Variants in RHOH observed in about 807,000 individuals in gnomAD.
RHOH encodes ras homolog family member H.
RHOH carries 6 observed loss-of-function variants against 13.8 expected under a neutral mutation model. The observed-to-expected ratio is 0.44, with a 90% CI of 0.24 to 0.86. RHOH has a LOEUF of 0.86. Among genes scored for constraint, RHOH ranks in the 40% least tolerant of loss-of-function variants. RHOH has a pLI of 0.24. For synonymous variants in RHOH, 117 were observed against 103.0 expected, an observed-to-expected ratio of 1.14 and a Z score of -0.82; for missense variants, 147 against 244.5, an observed-to-expected ratio of 0.60 and a Z score of 2.66.
chr4:40,235,726 C>A (rs1728491352), intron 1 of RHOH, among the ~76,000 whole-genome samples: 1 of 151,764 alleles, frequency 6.6e-6, no homozygotes, highest in Non-Finnish European at 1.5e-5. Context: ...GTAATCCCAG[C>A]ACTTTGGGAG....
At chr4:40,213,391 A>T (rs1560693649) in intron 1 of RHOH, among the ~76,000 whole-genome samples, 3 of 147,272 alleles carry the variant, frequency 2.0e-5, no homozygotes, top group African/African-American at 5.1e-5. Context: ...TCTCTCTCTC[A>T]CACACACACC....
chr4:40,206,583 C>A (rs1579245190), intron 1 of RHOH, among the ~76,000 whole-genome samples: 1 of 43,388 alleles, frequency 2.3e-5, no homozygotes, highest in Non-Finnish European at 6.6e-5. Context: ...TGGGCAGTAA[C>A]TTGCTGAAAA....
At chr4:40,222,998 T>G (rs1726770075) in intron 1 of RHOH, among the ~76,000 whole-genome samples, 2 of 152,154 alleles carry the variant, frequency 1.3e-5, no homozygotes, top group African/African-American at 4.8e-5. Flanking sequence ...GCAGATGTGG[T>G]AGAAGGAGCA....
intron 1 of RHOH, 103 bp from the exon 2 acceptor site, chr4:40,242,611 A>G (rs1052823283): frequency 3.3e-5 from 5 of 152,234 alleles, no homozygotes; most frequent in African/African-American, 9.6e-5. Flanking sequence ...CTTTTCCCCT[A>G]TTACAACACA....
chr4:40,214,718 GGA>G (rs1237092180), intron 1 of RHOH, among the ~76,000 whole-genome samples: 1 of 152,206 alleles, frequency 6.6e-6, no homozygotes, highest in East Asian at 1.9e-4. Context: ...CATTATCAGT[GGA>G]GAGAGAACCT....
At chr4:40,214,725 G>T (rs1171358704) in intron 1 of RHOH, among the ~76,000 whole-genome samples, 2 of 152,222 alleles carry the variant, frequency 1.3e-5, no homozygotes, top group African/African-American at 4.8e-5. Context: ...AGTGGAGAGA[G>T]AACCTTGGCT....
upstream of RHOH, among the ~76,000 whole-genome samples, chr4:40,195,353 T>TC (rs1560675301): frequency 1.3e-4 from 17 of 131,318 alleles, no homozygotes; most frequent in African/African-American, 5.1e-4. Context: ...CCTTTCTTTC[T>TC]TTTCCTTCCT....
At chr4:40,194,634 C>T (rs1722937910), upstream of RHOH, among the ~76,000 whole-genome samples, 1 of 152,166 alleles carries the variant, frequency 6.6e-6, no homozygotes, top group African/African-American at 2.4e-5. Context: ...CCTCGGCCTC[C>T]CAAAGTGTGG....
chr4:40,227,037 T>C (rs1210334985), intron 1 of RHOH, among the ~76,000 whole-genome samples: 1 of 152,098 alleles, frequency 6.6e-6, no homozygotes, highest in African/African-American at 2.4e-5. Context: ...TGCATGCCTG[T>C]AATTCCAGCT....
chr4:40,224,099 C>CA (rs1170321167), intron 1 of RHOH, among the ~76,000 whole-genome samples: 6 of 151,536 alleles, frequency 4.0e-5, no homozygotes, highest in South Asian at 2.1e-4. Flanking sequence ...CACTAGGAAA[C>CA]AAAAAAAACT....
upstream of RHOH, among the ~76,000 whole-genome samples, chr4:40,195,619 T>C (rs371863232): frequency 6.6e-6 from 1 of 152,166 alleles, no homozygotes; most frequent in East Asian, 1.9e-4. Flanking sequence ...GTTGCCCAGC[T>C]AATTTTTGTA....
intron 1 of RHOH, chr4:40,200,396 G>A (rs906831594): frequency 1.3e-5 from 2 of 152,226 alleles, no homozygotes; most frequent in Non-Finnish European, 2.9e-5. Flanking sequence ...CACCTGGGGA[G>A]CTTTTAAGAA....
upstream of RHOH, among the ~76,000 whole-genome samples, chr4:40,195,326 G>A (rs11940760): frequency 6.6e-6 from 1 of 151,022 alleles, no homozygotes; most frequent in Non-Finnish European, 1.5e-5. Flanking sequence ...TTTCCACAGA[G>A]GATTTTCCCT....
intron 1 of RHOH, among the ~76,000 whole-genome samples, chr4:40,198,826 T>C (rs1291147897): frequency 1.3e-5 from 2 of 152,228 alleles, no homozygotes; most frequent in African/African-American, 2.4e-5. Flanking sequence ...CCATGAAATA[T>C]GTGCTACTTT....
rs1380679955 is a variant in RHOH at position 40,245,539 on chromosome 4, A to AAG, written c.*1578_*1579insGA. ...GGGCAACAGAGGGAGACTCCATCTC[A>AAG]AAAAAAAAAAAAAGAAAAGAAAAAA... On this transcript the variant is annotated 3_prime_UTR_variant, in exon 3 of 3. Transcript: ENST00000381799. The AAG allele has an allele frequency of 1.2e-5, 1 of 84,756 alleles. No individual in the cohort carries two copies. The highest frequency in any genetic ancestry group is 2.5e-4 in the East Asian group (1 of 3,992). The allele number at this position is 84,756 out of a possible 1,614,324, so 5.3% of individuals were successfully genotyped here.
Position 40,235,576 on chromosome 4 carries a change from G to A in RHOH, c.-330-7138G>A, listed in dbSNP as rs1403151383. 4.8e-5 allele frequency among the ~76,000 whole-genome samples: 5 copies of A among 104,890 alleles called. No individual in the cohort carries two copies. In the South Asian group the frequency reaches 9.1e-4, roughly 19 times the overall value. 68.8% of individuals were successfully genotyped at this position (104,890 alleles called of 152,430 possible). A position where few individuals can be genotyped will look rare whatever the true frequency, so the allele number is the denominator to read the frequency against. ...TTGCATTCCAGCCTGGGCAAAAAGA[G>A]CGAAACTTCATCTCAAAAAAAAAAA... is the stretch of plus-strand genomic sequence containing the variant. On this transcript the variant is annotated intron_variant, in intron 1 of 2. Transcript: ENST00000381799.
chr4:40,227,178 A>C (rs201760068), intron 1 of RHOH, among the ~76,000 whole-genome samples: 2 of 151,388 alleles, frequency 1.3e-5, no homozygotes, highest in Admixed American at 6.6e-5. Context: ...AACAAAAACA[A>C]AAACAAACAA....
At position 40,224,433 on chromosome 4, in the gene RHOH, A is replaced by C. The variant is rs73229773; in HGVS notation, c.-330-18281A>C. 7.3e-3 allele frequency among the ~76,000 whole-genome samples: 1,108 copies of C among 152,386 alleles called. 7 individuals carry two copies. The highest frequency in any genetic ancestry group is 0.012 in the Non-Finnish European group (823 of 68,038). ...AAAGAATTGGAATTGCTGGATTAAA[A>C]GGTCTCCGCATTTAAAAGTTTAATA... is the stretch of plus-strand genomic sequence containing the variant. On this transcript the variant is annotated intron_variant, in intron 1 of 2. Coordinates refer to ENST00000381799, the MANE Select transcript of RHOH (RefSeq NM_004310.5).
upstream of RHOH, among the ~76,000 whole-genome samples, chr4:40,191,921 G>A (rs896916179): frequency 6.6e-6 from 1 of 151,024 alleles, no homozygotes; most frequent in Non-Finnish European, 1.5e-5. Flanking sequence ...GCTATTACCT[G>A]GTTAGGGAGG....
Sources: gnomAD v4.1 joint callset for allele counts (sites outside exome capture counted in the v4.1 genomes callset) on GRCh38, gnomAD v4.1.1 for gene constraint, MANE v1.5 for transcripts, NCBI Gene and HGNC (gene_info 2026-07-23, HGNC 2026-07-21) for gene names.